Variants in CHRM3 observed in about 807,000 individuals in gnomAD.
CHRM3 encodes the protein muscarinic acetylcholine receptor M3.
CHRM3 carries 11 observed loss-of-function variants against 41.8 expected under a neutral mutation model. The observed-to-expected ratio is 0.26, with a 90% CI of 0.17 to 0.44. The LOEUF (loss-of-function observed/expected upper bound fraction) is 0.44. Ranked by LOEUF, CHRM3 falls within the 20% of genes least tolerant of loss-of-function variation. The pLI is 1.00. For synonymous variants in CHRM3, 297 were observed against 301.4 expected, an observed-to-expected ratio of 0.99 and a Z score of 0.15; for missense variants, 571 against 745.4, an observed-to-expected ratio of 0.77 and a Z score of 2.72.
At chr1:239,478,521 G>T (rs1458907138) in intron 1 of CHRM3, among the ~76,000 whole-genome samples, 3 of 152,130 alleles carry the variant, frequency 2.0e-5, no homozygotes, top group African/African-American at 7.2e-5. Context: ...TAGCAGAAAA[G>T]GTAGACAATG....
chr1:239,687,362 G>A (rs911286797), intron 5 of CHRM3, among the ~76,000 whole-genome samples: 7 of 152,150 alleles, frequency 4.6e-5, no homozygotes, highest in African/African-American at 1.7e-4. Flanking sequence ...ATATTCCAGG[G>A]CAATATCATG....
At position 239,696,152 on chromosome 1, in the gene CHRM3, C is replaced by T. The variant is rs535617634; in HGVS notation, c.-147+17864C>T. ...TGGCCTTGGGTGGGACATTTAACCTCCCTAAACTCCAGTTTCTGCATCATT... is the reference window on the plus strand; with the variant it reads ...TGGCCTTGGGTGGGACATTTAACCTTCCTAAACTCCAGTTTCTGCATCATT... On this transcript the variant is annotated intron_variant, in intron 5 of 6. Transcript: ENST00000676153. Among the ~76,000 whole-genome samples the T allele has an allele frequency of 8.5e-5, 13 of 152,218 alleles. No homozygotes were observed. The South Asian group carries it at 2.7e-3, about 32-fold the overall frequency.
At chr1:239,796,402 C>T (rs989162096) in intron 5 of CHRM3, among the ~76,000 whole-genome samples, 4 of 152,084 alleles carry the variant, frequency 2.6e-5, no homozygotes, top group African/African-American at 7.2e-5. Flanking sequence ...ACAAGAGGAA[C>T]GTATACCACC....
At chr1:239,683,695 A>G (rs1658797208) in intron 5 of CHRM3, among the ~76,000 whole-genome samples, 1 of 152,226 alleles carries the variant, frequency 6.6e-6, no homozygotes, top group Non-Finnish European at 1.5e-5. Flanking sequence ...TGGTATAGAA[A>G]CAGCTCTACT....
intron 5 of CHRM3, among the ~76,000 whole-genome samples, chr1:239,756,758 A>C (rs921611259): frequency 3.9e-5 from 6 of 152,234 alleles, no homozygotes; most frequent in African/African-American, 1.4e-4. Flanking sequence ...CAGAGTTGAC[A>C]GCATAGGTAA....
intron 5 of CHRM3, among the ~76,000 whole-genome samples, chr1:239,768,791 GTCTC>G (rs1667428027): frequency 6.7e-6 from 1 of 149,192 alleles, no homozygotes; most frequent in Non-Finnish European, 1.5e-5. Context: ...TTGAGATGGA[GTCTC>G]TCTCAGTCAC....
chr1:239,428,733 A>T (rs1049905156), intron 1 of CHRM3, among the ~76,000 whole-genome samples: 19 of 152,204 alleles, frequency 1.2e-4, no homozygotes, highest in African/African-American at 4.6e-4. Context: ...AAACAACTAC[A>T]GCAAAATTTA....
chr1:239,907,550 C>T lies in CHRM3; in HGVS notation c.99C>T (p.Thr33=), dbSNP rs780081823. ...CCGATGCAGGGCTGCCCCCGGGAAC[C>T]GTCACTCATTTCGGCAGCTACAATG... The part of the protein sequence containing the change: ...SPSDAGLPPG[T]VTHFGSYNVS... Residue 33 remains threonine, a synonymous_variant, in exon 7 of 7, where the codon ACC becomes ACT. Transcript: ENST00000676153. This position sits in a 1 kb window ranked among gnomAD's most constrained non-coding sequence, Gnocchi z 5.4. The T allele has an allele frequency of 4.3e-6, 7 of 1,614,064 alleles. No individual in the cohort carries two copies. The highest frequency in any genetic ancestry group is 2.7e-5 in the African/African-American group (2 of 74,936).
At chr1:239,598,744 C>T (rs1665114964) in intron 3 of CHRM3, among the ~76,000 whole-genome samples, 1 of 152,094 alleles carries the variant, frequency 6.6e-6, no homozygotes, top group Non-Finnish European at 1.5e-5. Flanking sequence ...TACTCCTTAC[C>T]TTTTCCCCTT....
intron 6 of CHRM3, among the ~76,000 whole-genome samples, chr1:239,861,627 G>C (rs1675648529): frequency 6.6e-6 from 1 of 152,170 alleles, no homozygotes; most frequent in African/African-American, 2.4e-5. Context: ...GTTGGGGCAA[G>C]AGAAGTTGTG....
intron 1 of CHRM3, among the ~76,000 whole-genome samples, chr1:239,492,119 G>T (rs74592861): frequency 0.03 from 4,587 of 152,228 alleles, 176 homozygotes; most frequent in African/African-American, 0.086. Context: ...CACATAGCTA[G>T]TAAGTACAGA....
At chr1:239,703,642 A>G (rs1660884729) in intron 5 of CHRM3, 1 of 152,224 alleles carries the variant, frequency 6.6e-6, no homozygotes, top group African/African-American at 2.4e-5. Context: ...CATTAAAGTG[A>G]TAATGCCATC....
intron 5 of CHRM3, among the ~76,000 whole-genome samples, chr1:239,715,751 A>G (rs1244007299): frequency 6.6e-6 from 1 of 152,150 alleles, no homozygotes; most frequent in Non-Finnish European, 1.5e-5. Context: ...GGCTGGAATC[A>G]GTTCATAGGG....
At chr1:239,516,368 G>T (rs1037589547) in intron 2 of CHRM3, among the ~76,000 whole-genome samples, 4 of 152,104 alleles carry the variant, frequency 2.6e-5, no homozygotes, top group African/African-American at 7.2e-5. Context: ...CACGATACTC[G>T]CAAAAAGCTG....
At chr1:239,406,946 G>C (rs1183899046) in intron 1 of CHRM3, among the ~76,000 whole-genome samples, 2 of 152,198 alleles carry the variant, frequency 1.3e-5, no homozygotes, top group Non-Finnish European at 1.5e-5. Flanking sequence ...TCTTTTTGGA[G>C]AGATACCAGG....
At chr1:239,576,470 C>T (rs947977897) in intron 3 of CHRM3, among the ~76,000 whole-genome samples, 6 of 151,878 alleles carry the variant, frequency 4.0e-5, no homozygotes, top group African/African-American at 7.3e-5. Context: ...TGGCCAGGCA[C>T]GGTGGCTCAT....
At chr1:239,872,490 GC>G (rs1428276093) in intron 6 of CHRM3, among the ~76,000 whole-genome samples, 1 of 152,092 alleles carries the variant, frequency 6.6e-6, no homozygotes, top group Non-Finnish European at 1.5e-5. Context: ...GTGTGGGACG[GC>G]CCCAACCCGA....
chr1:239,903,308 T>G (rs888434101), intron 6 of CHRM3, among the ~76,000 whole-genome samples: 1 of 152,246 alleles, frequency 6.6e-6, no homozygotes, highest in Non-Finnish European at 1.5e-5. Context: ...GTTGAATGTA[T>G]ACAAACATAA....
At position 239,824,552 on chromosome 1, in the gene CHRM3, A is replaced by G. The variant is rs544412588; in HGVS notation, c.-146-2700A>G. Among the ~76,000 whole-genome samples the G allele has an allele frequency of 2.6e-5, 4 of 152,316 alleles. No individual in the cohort carries two copies. The East Asian group carries it at 7.7e-4, about 29-fold the overall frequency. ...GATTCTTGCTCCCTGTAAGGGGGAA[A>G]AGCAGTCTAAAACAATTCGCATATC... On this transcript the variant is annotated intron_variant, in intron 5 of 6. Transcript: ENST00000676153.
Sources: gnomAD v4.1 joint callset for allele counts (sites outside exome capture counted in the v4.1 genomes callset) on GRCh38, gnomAD v4.1.1 for gene constraint, Gnocchi (gnomAD v3.1) non-coding constraint, MANE v1.5 for transcripts, NCBI Gene and HGNC (gene_info 2026-07-23, HGNC 2026-07-21) for gene names.